The following KLF13 variants were observed in gnomAD, a reference collection of about 807,000 sequenced individuals.
The protein encoded by KLF13 is KLF transcription factor 13.
In KLF13, 8 loss-of-function variants were observed where a neutral mutation model predicts 16.7. The ratio of observed to expected loss-of-function variants is 0.48; its 90% CI spans 0.28 to 0.87. The LOEUF (loss-of-function observed/expected upper bound fraction) is 0.87. Among genes scored for constraint, KLF13 ranks in the 40% least tolerant of loss-of-function variants. The probability of loss-of-function intolerance (pLI) is 0.10; values close to 1 mark genes in which losing one functional copy is unlikely to be tolerated. For missense variants in KLF13, 447 were observed against 452.2 expected, an observed-to-expected ratio of 0.99 and a Z score of 0.10; for synonymous variants, 245 against 208.4, an observed-to-expected ratio of 1.18 and a Z score of -1.51.
rs912005994 is a variant in KLF13 at position 31,370,044 on chromosome 15, CTTTTTTTTTTT to C, written c.578-1954_578-1944del. On this transcript the variant is annotated intron_variant, in intron 1 of 1. Transcript: ENST00000307145. Reference sequence around the variant, plus strand: ...CATGTTAGTTTCCTGTCTCCTTTTTCTTTTTTTTTTTTTTTTTTTTTTACTCTTTGACAGAG... The same window carrying C: ...CATGTTAGTTTCCTGTCTCCTTTTTCTTTTTTTTTTTACTCTTTGACAGAG... 5.2e-4 allele frequency among the ~76,000 whole-genome samples: 52 copies of C among 99,284 alleles called. No individual in the cohort carries two copies. In the South Asian group the frequency reaches 8.5e-3, roughly 16 times the overall value. 65.1% of individuals were successfully genotyped at this position (99,284 alleles called of 152,430 possible).
rs1258550429 is a variant in KLF13 at position 31,327,187 on chromosome 15, C to T, written c.-26C>T. The T allele has an allele frequency of 3.1e-6, 4 of 1,302,224 alleles. No homozygotes were observed. Among genetic ancestry groups the T allele is most frequent in the East Asian group, 3.4e-5 (1 of 29,224 alleles). 80.7% of individuals were successfully genotyped at this position (1,302,224 alleles called of 1,614,324 possible). On this transcript the variant is annotated 5_prime_UTR_variant, in exon 1 of 2. Transcript: ENST00000307145. ...CGCGGCTGACGACTCGCAGCAAGAG[C>T]ACCGCCGCCGGCCCCAGCCCGCAGC...
At chr15:31,422,696 A>G (rs1317539912) in intron 1 of KLF13, among the ~76,000 whole-genome samples, 1 of 152,158 alleles carries the variant, frequency 6.6e-6, no homozygotes, top group Non-Finnish European at 1.5e-5. Context: ...AGACTCTAAG[A>G]CAAAAACTGT....
At chr15:31,345,238 T>C (rs974316049) in intron 1 of KLF13, among the ~76,000 whole-genome samples, 4 of 151,352 alleles carry the variant, frequency 2.6e-5, no homozygotes, top group African/African-American at 9.7e-5. Context: ...AGGGGTGGAG[T>C]GGGGACTTGG....
In KLF13 at chr15:31,327,332, G is replaced by C; in HGVS notation, c.120G>C (p.Val40=). 1 of 1,279,896 alleles carries C rather than the reference G, an allele frequency of 7.8e-7. No homozygotes were observed. Among genetic ancestry groups the C allele is most frequent in the Non-Finnish European group, 9.8e-7 (1 of 1,017,308 alleles). 79.3% of individuals were successfully genotyped at this position (1,279,896 alleles called of 1,614,324 possible). ...GPESRPEGAA[V]AATPTLPRVE... ...AGTCCCGGCCCGAGGGCGCGGCCGT[G>C]GCCGCCACCCCCACGCTGCCCCGCG... is the stretch of plus-strand genomic sequence containing the variant. The change falls in exon 1 of 2, where the codon GTG becomes GTC. Residue 40 remains valine, a synonymous_variant. Transcript: ENST00000307145.
intron 1 of KLF13, among the ~76,000 whole-genome samples, chr15:31,357,030 C>T (rs1341918309): frequency 6.6e-6 from 1 of 152,136 alleles, no homozygotes; most frequent in African/African-American, 2.4e-5. Flanking sequence ...ATATTTTTTC[C>T]CTCTTACCCA....
intron 1 of KLF13, among the ~76,000 whole-genome samples, chr15:31,363,649 G>A (rs1446936501): frequency 1.3e-5 from 2 of 152,140 alleles, no homozygotes; most frequent in Non-Finnish European, 2.9e-5. Flanking sequence ...ACCACGCCCG[G>A]CTGATTTTGT....
intron 1 of KLF13, among the ~76,000 whole-genome samples, chr15:31,413,200 A>C (rs547367457): frequency 6.7e-4 from 100 of 149,888 alleles, no homozygotes; most frequent in Non-Finnish European, 8.3e-4. Flanking sequence ...AAAAAAAAAA[A>C]AACAAAAAAC....
Position 31,327,646 on chromosome 15 carries a change from C to A in KLF13, c.434C>A (p.Pro145His). 7.0e-7 allele frequency: 1 copy of A among 1,427,386 alleles called. No homozygotes were observed. The highest frequency in any genetic ancestry group is 9.3e-7 in the Non-Finnish European group (1 of 1,077,132). The allele number at this position is 1,427,386 out of a possible 1,614,324, so 88.4% of individuals were successfully genotyped here. A position where few individuals can be genotyped will look rare whatever the true frequency, so the allele number is the denominator to read the frequency against. ...CCGGGGCCCGCGGGGAGCGGCGAGC[C>A]CGGCCTCAGACAAAGGGTCCGGCGG... is the stretch of plus-strand genomic sequence containing the variant. Reference protein sequence around the residue: ...REPGPAGSGEPGLRQRVRRGR... With the variant: ...REPGPAGSGEHGLRQRVRRGR... The change falls in exon 1 of 2, where the codon CCC becomes CAC. Residue 145 changes from proline (P) to histidine (H), a missense_variant. By Grantham distance (77) the Pro-to-His change is moderately conservative. Coordinates refer to ENST00000307145, the MANE Select transcript of KLF13 (RefSeq NM_015995.4).
intron 2 of KLF13, among the ~76,000 whole-genome samples, chr15:31,395,953 C>A (rs1356221624): frequency 2.0e-5 from 3 of 152,184 alleles, no homozygotes; most frequent in Non-Finnish European, 4.4e-5. Context: ...CATTCACCAG[C>A]TTTTCTGGCT....
intron 1 of KLF13, among the ~76,000 whole-genome samples, chr15:31,351,529 C>G (rs1324334317): frequency 3.3e-5 from 5 of 152,184 alleles, no homozygotes; most frequent in African/African-American, 1.2e-4. Context: ...ATTGGCTGTC[C>G]TGGGACAGCC....
At chr15:31,398,710 G>T (rs2039990317) in intron 2 of KLF13, among the ~76,000 whole-genome samples, 1 of 152,140 alleles carries the variant, frequency 6.6e-6, no homozygotes, top group African/African-American at 2.4e-5. Context: ...CCCAGGCCTT[G>T]GAAAGATCAA....
chr15:31,351,060 C>T (rs2039208100), intron 1 of KLF13, among the ~76,000 whole-genome samples: 1 of 152,220 alleles, frequency 6.6e-6, no homozygotes, highest in African/African-American at 2.4e-5. Flanking sequence ...ATCCCTGGAC[C>T]TGGCGCAGAT....
In KLF13 at chr15:31,328,402, G is replaced by T. The variant is rs2038760764; in HGVS notation, c.577+613G>T. Among the ~76,000 whole-genome samples, 6 of 152,132 alleles carry T rather than the reference G, an allele frequency of 3.9e-5. No individual in the cohort carries two copies. In the South Asian group the frequency reaches 1.2e-3, roughly 32 times the overall value. On this transcript the variant is annotated intron_variant, in intron 1 of 1. Transcript: ENST00000307145. ...GTAACCAAAGTCAGCGGCGGCGCTT[G>T]GCGATGCGGGGGGCGGTCCCGGGTC...
intron 1 of KLF13, among the ~76,000 whole-genome samples, chr15:31,383,779 G>A (rs2039760006): frequency 6.6e-6 from 1 of 152,166 alleles, no homozygotes; most frequent in Non-Finnish European, 1.5e-5. Context: ...GTGGGCGCCT[G>A]TAGTCCCAGC....
intron 1 of KLF13, among the ~76,000 whole-genome samples, chr15:31,409,885 C>A (rs2040171062): frequency 6.6e-6 from 1 of 152,118 alleles, no homozygotes; most frequent in Admixed American, 6.5e-5. Flanking sequence ...AAAGGAATTT[C>A]TTCTGGCAGA....
At chr15:31,389,165 C>A (rs558172918), upstream of KLF13, among the ~76,000 whole-genome samples, 2 of 152,068 alleles carry the variant, frequency 1.3e-5, no homozygotes, top group African/African-American at 2.4e-5. Context: ...TGAGAATGAA[C>A]GAACACCTTT....
chr15:31,327,484 A>G lies in KLF13; in HGVS notation c.272A>G (p.Lys91Arg). The G allele has an allele frequency of 1.7e-6, 2 of 1,196,652 alleles. No individual in the cohort carries two copies. The highest frequency in any genetic ancestry group is 2.1e-6 in the Non-Finnish European group (2 of 965,938). 74.1% of individuals were successfully genotyped at this position (1,196,652 alleles called of 1,614,324 possible). A position where few individuals can be genotyped will look rare whatever the true frequency, so the allele number is the denominator to read the frequency against. Residue 91 changes from lysine to arginine, a missense_variant, in exon 1 of 2, where the codon AAG becomes AGG. Lys to Arg is a conservative substitution (Grantham distance 26). Coordinates refer to ENST00000307145, the MANE Select transcript of KLF13 (RefSeq NM_015995.4). ...AERREGAAAR[K>R]ARTPCRLPPP... ...CGCAGGGAGGGCGCCGCGGCCCGGA[A>G]GGCGAGGACCCCCTGCCGCCTGCCG...
chr15:31,329,324 A>T (rs2038784920), intron 1 of KLF13, among the ~76,000 whole-genome samples: 1 of 69,796 alleles, frequency 1.4e-5, no homozygotes. Flanking sequence ...GATCCTGAGT[A>T]TCGGGTGGGG....
Position 31,347,239 on chromosome 15 carries a change from G to C in KLF13, c.577+19450G>C, listed in dbSNP as rs112629513. ...TGGCAGGGCCTGGGAACCTCCTGGAGGGAGCTGGGTGACCAGCTTCTCTGC... is the reference window on the plus strand; with the variant it reads ...TGGCAGGGCCTGGGAACCTCCTGGACGGAGCTGGGTGACCAGCTTCTCTGC... On this transcript the variant is annotated intron_variant, in intron 1 of 1. Coordinates refer to ENST00000307145, the MANE Select transcript of KLF13 (RefSeq NM_015995.4). Among the ~76,000 whole-genome samples, 389 of 152,326 alleles carry C rather than the reference G, an allele frequency of 2.6e-3. 1 individual carries two copies. Among genetic ancestry groups the C allele is most frequent in the African/African-American group, 8.5e-3 (354 of 41,566 alleles).
Sources: allele counts gnomAD v4.1 joint callset (sites outside exome capture counted in the v4.1 genomes callset), GRCh38; gene constraint gnomAD v4.1.1; transcripts MANE v1.5; gene names NCBI Gene and HGNC (gene_info 2026-07-23, HGNC 2026-07-21).